ST6GALNAC3: variants seen among roughly 807,000 people sequenced by gnomAD.
The protein encoded by ST6GALNAC3 is alpha-N-acetylgalactosaminide alpha-2,6-sialyltransferase 3.
In ST6GALNAC3, 25 loss-of-function variants were observed where a neutral mutation model predicts 32.7. The ratio of observed to expected loss-of-function variants is 0.76; its 90% confidence interval spans 0.56 to 1.07. ST6GALNAC3 has a LOEUF of 1.07. ST6GALNAC3 is among the 50% of genes least tolerant of loss of function. ST6GALNAC3 has a pLI of 0.00. For missense variants in ST6GALNAC3, 355 were observed against 382.4 expected, an observed-to-expected ratio of 0.93 and a Z score of 0.60; for synonymous variants, 129 against 133.1, an observed-to-expected ratio of 0.97 and a Z score of 0.21.
intron 3 of ST6GALNAC3, among the ~76,000 whole-genome samples, chr1:76,558,112 G>A (rs1665033678): frequency 6.6e-6 from 1 of 152,168 alleles, no homozygotes; most frequent in Non-Finnish European, 1.5e-5. Context: ...AGAAGTTGTG[G>A]AGAAAAGGGA....
intron 2 of ST6GALNAC3, among the ~76,000 whole-genome samples, chr1:76,328,732 G>C (rs1422675026): frequency 2.0e-5 from 3 of 152,084 alleles, no homozygotes; most frequent in African/African-American, 7.2e-5. Context: ...TCTCAATTTT[G>C]AATTAGGTGG....
At chr1:76,340,751 G>A (rs948143659) in intron 2 of ST6GALNAC3, among the ~76,000 whole-genome samples, 2 of 151,868 alleles carry the variant, frequency 1.3e-5, no homozygotes, top group Admixed American at 6.6e-5. Context: ...GGAAGCTGGG[G>A]TGGGGATTAG....
chr1:76,142,745 T>G (rs969541301), intron 1 of ST6GALNAC3: 1 of 409,222 alleles, frequency 2.4e-6, no homozygotes, highest in East Asian at 7.3e-5. Flanking sequence ...GTGAGGAGCG[T>G]CCAGCTGTGG....
chr1:76,091,568 A>G (rs1204948380), intron 1 of ST6GALNAC3, among the ~76,000 whole-genome samples: 1 of 152,234 alleles, frequency 6.6e-6, no homozygotes, highest in African/African-American at 2.4e-5. Flanking sequence ...GTGCCACATG[A>G]CGACGTTTCA....
At chr1:76,279,770 G>T (rs1289934994) in intron 1 of ST6GALNAC3, among the ~76,000 whole-genome samples, 1 of 152,204 alleles carries the variant, frequency 6.6e-6, no homozygotes, top group Non-Finnish European at 1.5e-5. Flanking sequence ...GACCTCAGGA[G>T]CCTTGCTGGA....
intron 3 of ST6GALNAC3, among the ~76,000 whole-genome samples, chr1:76,467,821 C>G (rs1658742120): frequency 8.3e-6 from 1 of 120,910 alleles, no homozygotes. Flanking sequence ...GAGCTATTGC[C>G]TGAAATAATT....
intron 3 of ST6GALNAC3, among the ~76,000 whole-genome samples, chr1:76,549,156 C>T (rs1664469834): frequency 6.6e-6 from 1 of 152,182 alleles, no homozygotes; most frequent in Non-Finnish European, 1.5e-5. Context: ...AACGAACACT[C>T]AAATTCCCAC....
chr1:76,384,892 A>C (rs1651974482), intron 2 of ST6GALNAC3, among the ~76,000 whole-genome samples: 1 of 152,164 alleles, frequency 6.6e-6, no homozygotes, highest in South Asian at 2.1e-4. Flanking sequence ...ATTATATGTC[A>C]AAATGATACA....
chr1:76,287,620 A>T (rs1425895272), intron 1 of ST6GALNAC3, among the ~76,000 whole-genome samples: 1 of 152,110 alleles, frequency 6.6e-6, no homozygotes, highest in East Asian at 1.9e-4. Flanking sequence ...TTAAAGAATG[A>T]TTCTATCATC....
chr1:76,368,994 G>T (rs1179876854), intron 2 of ST6GALNAC3, among the ~76,000 whole-genome samples: 2 of 152,104 alleles, frequency 1.3e-5, no homozygotes, highest in African/African-American at 4.8e-5. Flanking sequence ...TAGAAGTACT[G>T]CCAGCACAAT....
At chr1:76,552,032 G>T (rs1302969961) in intron 3 of ST6GALNAC3, among the ~76,000 whole-genome samples, 1 of 152,216 alleles carries the variant, frequency 6.6e-6, no homozygotes, top group Non-Finnish European at 1.5e-5. Flanking sequence ...GTTTCCAAGG[G>T]TGTGGATATG....
At chr1:76,245,525 G>A (rs1011304431) in intron 1 of ST6GALNAC3, among the ~76,000 whole-genome samples, 2 of 152,006 alleles carry the variant, frequency 1.3e-5, no homozygotes, top group South Asian at 2.1e-4. Context: ...TGATGTTAGG[G>A]TATAGCTTTG....
intron 1 of ST6GALNAC3, among the ~76,000 whole-genome samples, chr1:76,109,181 A>G (rs2783659): frequency 0.01 from 1,524 of 152,222 alleles, 35 homozygotes; most frequent in African/African-American, 0.035. Context: ...CTTGCTAGGT[A>G]TGACTTCCAA....
chr1:76,086,715 G>A (rs920688396), intron 1 of ST6GALNAC3, among the ~76,000 whole-genome samples: 20 of 152,206 alleles, frequency 1.3e-4, no homozygotes, highest in Admixed American at 5.9e-4. Flanking sequence ...GCAGAGTCCC[G>A]GGATATAAGC....
At chr1:76,183,179 A>G (rs942522696) in intron 1 of ST6GALNAC3, among the ~76,000 whole-genome samples, 2 of 152,138 alleles carry the variant, frequency 1.3e-5, no homozygotes, top group Admixed American at 1.3e-4. Flanking sequence ...TTTTCTGTAC[A>G]CCACTTTAGC....
intron 1 of ST6GALNAC3, among the ~76,000 whole-genome samples, chr1:76,127,312 G>C (rs1274604384): frequency 6.6e-6 from 1 of 152,104 alleles, no homozygotes; most frequent in Non-Finnish European, 1.5e-5. Flanking sequence ...CATTTTAATT[G>C]GCAGCAGAGT....
At chr1:76,564,787 G>A (rs191662735) in intron 3 of ST6GALNAC3, among the ~76,000 whole-genome samples, 6 of 151,980 alleles carry the variant, frequency 3.9e-5, no homozygotes, top group East Asian at 3.9e-4. Context: ...GGGTTTCACC[G>A]TTAGCCAGGA....
chr1:76,426,930 A>G (rs934887707), intron 3 of ST6GALNAC3, among the ~76,000 whole-genome samples: 1 of 152,048 alleles, frequency 6.6e-6, no homozygotes, highest in African/African-American at 2.4e-5. Context: ...TTTAACTTTC[A>G]TGAGAGATTC....
At chr1:76,603,277 T>C (rs981356515) in intron 3 of ST6GALNAC3, among the ~76,000 whole-genome samples, 2 of 152,238 alleles carry the variant, frequency 1.3e-5, no homozygotes, top group Middle Eastern at 3.4e-3. Context: ...TTTACAGAGG[T>C]AATGTTTGCA....
Sources: gnomAD v4.1 joint callset for allele counts (sites outside exome capture counted in the v4.1 genomes callset) on GRCh38, gnomAD v4.1.1 for gene constraint, MANE v1.5 for transcripts, NCBI Gene and HGNC (gene_info 2026-07-23, HGNC 2026-07-21) for gene names.